Variants in PLCL1 observed in about 807,000 individuals in gnomAD.
PLCL1 encodes the protein inactive phospholipase C-like protein 1.
A neutral mutation model predicts 84.4 loss-of-function variants in PLCL1; 41 were observed. The observed-to-expected ratio is 0.49, with a 90% CI of 0.38 to 0.63. The LOEUF is 0.63. Among genes scored for constraint, PLCL1 ranks in the 30% least tolerant of loss-of-function variants. The probability of loss-of-function intolerance (pLI) is 0.00; values close to 1 mark genes in which losing one functional copy is unlikely to be tolerated. For synonymous variants in PLCL1, 490 were observed against 488.3 expected (o/e 1.00, Z -0.05); for missense variants, 1,206 against 1,367.8 (o/e 0.88, Z 1.87).
intron 5 of PLCL1, among the ~76,000 whole-genome samples, chr2:198,107,224 A>G (rs1326636535): frequency 6.6e-6 from 1 of 151,844 alleles, no homozygotes; most frequent in Non-Finnish European, 1.5e-5. Context: ...TCTTGTGAGA[A>G]CTCACTCACT....
At chr2:197,838,621 T>C (rs1691236801) in intron 1 of PLCL1, among the ~76,000 whole-genome samples, 2 of 152,252 alleles carry the variant, frequency 1.3e-5, no homozygotes. Context: ...GGTATTTCTA[T>C]ACCATTCTGG....
intron 1 of PLCL1, among the ~76,000 whole-genome samples, chr2:197,856,217 T>G (rs1353195021): frequency 6.6e-6 from 1 of 152,174 alleles, no homozygotes; most frequent in East Asian, 1.9e-4. Context: ...TACTTAGAGG[T>G]CCAGCCCCGT....
intron 1 of PLCL1, among the ~76,000 whole-genome samples, chr2:197,987,907 G>A (rs1299616581): frequency 6.6e-6 from 1 of 152,162 alleles, no homozygotes; most frequent in Non-Finnish European, 1.5e-5. Context: ...ATTTTCTTAT[G>A]TTGGAGAAGT....
At chr2:197,857,968 C>T (rs529192317) in intron 1 of PLCL1, among the ~76,000 whole-genome samples, 3 of 152,026 alleles carry the variant, frequency 2.0e-5, no homozygotes, top group African/African-American at 7.2e-5. Flanking sequence ...TTCATCTAAT[C>T]AGAGAAATGG....
intron 1 of PLCL1, among the ~76,000 whole-genome samples, chr2:198,082,811 G>T (rs1692753363): frequency 6.6e-6 from 1 of 152,166 alleles, no homozygotes; most frequent in Non-Finnish European, 1.5e-5. Context: ...AGAAGGCCTA[G>T]ATACAATCAA....
At chr2:197,909,778 T>C (rs995735957) in intron 1 of PLCL1, among the ~76,000 whole-genome samples, 1 of 152,184 alleles carries the variant, frequency 6.6e-6, no homozygotes, top group African/African-American at 2.4e-5. Context: ...TGCCCTTTGA[T>C]AAGGGTCATA....
chr2:197,812,208 T>C (rs1690601096), intron 1 of PLCL1, among the ~76,000 whole-genome samples: 1 of 152,222 alleles, frequency 6.6e-6, no homozygotes, highest in South Asian at 2.1e-4. Context: ...CTTTGTCCAG[T>C]CCACCATTGG....
intron 1 of PLCL1, among the ~76,000 whole-genome samples, chr2:197,829,307 C>G (rs1304736768): frequency 6.6e-6 from 1 of 152,100 alleles, no homozygotes; most frequent in African/African-American, 2.4e-5. Context: ...GGTTACCCAG[C>G]TAGTAAATCA....
chr2:197,850,051 C>G (rs1013348411), intron 1 of PLCL1, among the ~76,000 whole-genome samples: 6 of 151,236 alleles, frequency 4.0e-5, no homozygotes, highest in South Asian at 2.1e-4. Flanking sequence ...CACACACACA[C>G]ACACACACAC....
In PLCL1 at chr2:197,859,108, C is replaced by T. The variant is rs529657778; in HGVS notation, c.240+53769C>T. Among the ~76,000 whole-genome samples the T allele has an allele frequency of 2.6e-5, 4 of 152,238 alleles. No homozygotes were observed. In the East Asian group the frequency reaches 5.8e-4, roughly 22 times the overall value. ...TAAGATTAGCCCAGATTTAAGGAGT[C>T]GAAAAGTAGATTCCATTGCTTGATA... On this transcript the variant is annotated intron_variant, in intron 1 of 5. Transcript: ENST00000428675.
intron 1 of PLCL1, among the ~76,000 whole-genome samples, chr2:197,969,970 G>A (rs1203380256): frequency 1.3e-5 from 2 of 152,070 alleles, no homozygotes; most frequent in Non-Finnish European, 2.9e-5. Flanking sequence ...TTTGTATACA[G>A]CATAACCTGA....
Position 198,006,192 on chromosome 2 carries a change from A to G in PLCL1, c.241-77566A>G, listed in dbSNP as rs532748889. ...TGTTGACATAAAACATGAGAAAATG[A>G]AGTTTGTGATGTTTTGATGCAGAAG... On this transcript the variant is annotated intron_variant, in intron 1 of 5. Coordinates refer to ENST00000428675, the MANE Select transcript of PLCL1 (RefSeq NM_006226.4). Among the ~76,000 whole-genome samples, 7 of 152,278 alleles carry G rather than the reference A, an allele frequency of 4.6e-5. No individual in the cohort carries two copies. The South Asian group carries it at 1.5e-3, about 32-fold the overall frequency.
At chr2:197,857,164 A>C (rs1047624222) in intron 1 of PLCL1, among the ~76,000 whole-genome samples, 1 of 151,916 alleles carries the variant, frequency 6.6e-6, no homozygotes, top group Non-Finnish European at 1.5e-5. Context: ...TAAAAAAAAG[A>C]GAATGAACTT....
chr2:198,115,162 G>A (rs953805367), intron 5 of PLCL1, among the ~76,000 whole-genome samples: 28 of 151,956 alleles, frequency 1.8e-4, no homozygotes, highest in African/African-American at 6.0e-4. Context: ...GGTAAGAGGC[G>A]ATTAAGGAGA....
intron 1 of PLCL1, among the ~76,000 whole-genome samples, chr2:197,815,716 A>C (rs918304800): frequency 1.3e-5 from 2 of 152,108 alleles, no homozygotes; most frequent in African/African-American, 4.8e-5. Context: ...AATTTGGAAG[A>C]AGTTGATTCC....
intron 5 of PLCL1, among the ~76,000 whole-genome samples, chr2:198,143,596 A>G (rs1290267995): frequency 6.6e-6 from 1 of 152,180 alleles, no homozygotes; most frequent in Non-Finnish European, 1.5e-5. Context: ...AAATTGCTGC[A>G]TATAAAATGG....
intron 1 of PLCL1, among the ~76,000 whole-genome samples, chr2:197,912,583 G>A (rs1485564181): frequency 6.7e-6 from 1 of 149,942 alleles, no homozygotes; most frequent in Non-Finnish European, 1.5e-5. Context: ...AGAAAATGTG[G>A]CACATATACA....
intron 1 of PLCL1, among the ~76,000 whole-genome samples, chr2:198,072,886 G>T (rs903854952): frequency 2.6e-5 from 4 of 152,174 alleles, no homozygotes; most frequent in African/African-American, 9.6e-5. Flanking sequence ...TTCATAAAAA[G>T]ATCTATAATT....
intron 1 of PLCL1, among the ~76,000 whole-genome samples, chr2:198,068,040 T>G (rs1177089727): frequency 1.3e-5 from 2 of 152,210 alleles, no homozygotes; most frequent in Admixed American, 1.3e-4. Context: ...CCTTTCTCAT[T>G]TTTTACAAGG....
Sources: allele counts gnomAD v4.1 joint callset (sites outside exome capture counted in the v4.1 genomes callset), GRCh38; gene constraint gnomAD v4.1.1; transcripts MANE v1.5; gene names NCBI Gene and HGNC (gene_info 2026-07-23, HGNC 2026-07-21).